The following ANKS1B variants were observed in gnomAD, a reference collection of about 807,000 sequenced individuals.
ANKS1B encodes the protein ankyrin repeat and sterile alpha motif domain containing 1B.
A neutral mutation model predicts 148.3 loss-of-function variants in ANKS1B; 36 were observed. That is an observed-to-expected ratio of 0.24 (90% CI 0.19 to 0.32). ANKS1B has a LOEUF of 0.32. ANKS1B is among the 10% of genes least tolerant of loss of function. The probability of loss-of-function intolerance (pLI) is 1.00; values close to 1 mark genes in which losing one functional copy is unlikely to be tolerated. For synonymous variants in ANKS1B, 542 were observed against 560.8 expected, an observed-to-expected ratio of 0.97 and a Z score of 0.47; for missense variants, 1,157 against 1,542.6, an observed-to-expected ratio of 0.75 and a Z score of 4.19.
intron 11 of ANKS1B, among the ~76,000 whole-genome samples, chr12:99,441,815 T>G (rs1050323567): frequency 2.0e-5 from 3 of 151,930 alleles, no homozygotes; most frequent in African/African-American, 7.2e-5. Context: ...CCTCTAGATT[T>G]CTTCAAAGAT....
intron 24 of ANKS1B, among the ~76,000 whole-genome samples, chr12:98,776,646 C>T (rs999112200): frequency 2.0e-5 from 3 of 152,186 alleles, no homozygotes; most frequent in Admixed American, 6.5e-5. Context: ...AGTGATGCAG[C>T]TTAGAAATCT....
Position 99,283,842 on chromosome 12 carries a change from A to G in ANKS1B, c.1757-36978T>C, listed in dbSNP as rs1271441517. On this transcript the variant is annotated intron_variant, in intron 12 of 26. Coordinates refer to ENST00000683438, the MANE Select transcript of ANKS1B (RefSeq NM_001352186.2). ...AATGTTTACTGAATAAACCAGGGGT[A>G]GCTGAAATAATACCCTGCCACAATC... Among the ~76,000 whole-genome samples, 4 of 152,226 alleles carry G rather than the reference A, an allele frequency of 2.6e-5. No individual in the cohort carries two copies. The East Asian group carries it at 7.7e-4, about 29-fold the overall frequency.
chr12:99,058,997 AAAGTGCTGG>A (rs2041388194), intron 16 of ANKS1B, among the ~76,000 whole-genome samples: 1 of 81,786 alleles, frequency 1.2e-5, no homozygotes, highest in African/African-American at 4.5e-5. Flanking sequence ...TCGGCCTCCC[AAAGTGCTGG>A]GATTACAGGC....
chr12:98,804,923 T>C lies in ANKS1B; in HGVS notation c.3141+2921A>G, dbSNP rs758381583. Among the ~76,000 whole-genome samples, 5 of 152,308 alleles carry C rather than the reference T, an allele frequency of 3.3e-5. No homozygotes were observed. In the South Asian group the frequency reaches 6.2e-4, roughly 19 times the overall value. On this transcript the variant is annotated intron_variant, in intron 20 of 26. Coordinates refer to ENST00000683438, the MANE Select transcript of ANKS1B (RefSeq NM_001352186.2). ...AATATTAAATAACAGACCTAAGAAG[T>C]CTTTTGCCACAATAATGGTTTATAA...
intron 12 of ANKS1B, among the ~76,000 whole-genome samples, chr12:99,381,534 G>T (rs1223521180): frequency 6.6e-6 from 1 of 152,196 alleles, no homozygotes; most frequent in Non-Finnish European, 1.5e-5. Context: ...GACCAGGATA[G>T]TGGAGGGGCA....
At chr12:99,128,653 T>C (rs2065137954) in intron 15 of ANKS1B, among the ~76,000 whole-genome samples, 1 of 152,224 alleles carries the variant, frequency 6.6e-6, no homozygotes, top group Non-Finnish European at 1.5e-5. Flanking sequence ...CAACACTTGA[T>C]GTTTCTGACC....
chr12:98,847,974 CAT>C (rs2099491665), intron 17 of ANKS1B, among the ~76,000 whole-genome samples: 1 of 152,122 alleles, frequency 6.6e-6, no homozygotes, highest in South Asian at 2.1e-4. Context: ...ATTTTTAATA[CAT>C]GTTTATTTTG....
intron 8 of ANKS1B, among the ~76,000 whole-genome samples, chr12:99,763,255 G>A (rs964480387): frequency 2.9e-4 from 44 of 152,092 alleles, no homozygotes; most frequent in African/African-American, 1.0e-3. Flanking sequence ...ATCCATCAAC[G>A]GTGGACTAGA....
chr12:99,425,850 C>A (rs2095242402), intron 11 of ANKS1B, among the ~76,000 whole-genome samples: 1 of 148,756 alleles, frequency 6.7e-6, no homozygotes, highest in Admixed American at 6.6e-5. Flanking sequence ...ATCTCTATAG[C>A]ATTAGTTACT....
intron 4 of ANKS1B, among the ~76,000 whole-genome samples, chr12:99,795,476 T>C (rs12831195): frequency 0.018 from 2,719 of 151,864 alleles, 64 homozygotes; most frequent in South Asian, 0.062. Flanking sequence ...TAAAAATGAG[T>C]GGTTACTTAC....
chr12:99,002,701 CTT>C (rs2099933778), intron 17 of ANKS1B, among the ~76,000 whole-genome samples: 1 of 152,098 alleles, frequency 6.6e-6, no homozygotes, highest in Non-Finnish European at 1.5e-5. Context: ...TATTTTTGCT[CTT>C]GAGTTTTAAG....
intron 1 of ANKS1B, among the ~76,000 whole-genome samples, chr12:99,864,498 A>G (rs1885200295): frequency 6.6e-6 from 1 of 152,124 alleles, no homozygotes; most frequent in African/African-American, 2.4e-5. Flanking sequence ...GTCTTTATTC[A>G]CACTAATCTT....
At chr12:99,598,502 A>G (rs750576905) in intron 9 of ANKS1B, among the ~76,000 whole-genome samples, 4 of 152,132 alleles carry the variant, frequency 2.6e-5, no homozygotes, top group Admixed American at 6.6e-5. Context: ...GCACAAGGCT[A>G]CTTGACCCAC....
intron 8 of ANKS1B, among the ~76,000 whole-genome samples, chr12:99,771,054 C>G (rs1171786693): frequency 1.3e-5 from 2 of 152,086 alleles, no homozygotes; most frequent in African/African-American, 4.8e-5. Flanking sequence ...ACTATTATCA[C>G]TCTCTCAAAG....
chr12:99,086,658 C>T (rs1012201558), intron 15 of ANKS1B, among the ~76,000 whole-genome samples: 5 of 152,158 alleles, frequency 3.3e-5, no homozygotes, highest in African/African-American at 1.2e-4. Flanking sequence ...TTATTTTAAA[C>T]CTGTGATTAA....
chr12:99,608,518 T>C (rs1379691018), intron 9 of ANKS1B, among the ~76,000 whole-genome samples: 1 of 152,134 alleles, frequency 6.6e-6, no homozygotes, highest in Non-Finnish European at 1.5e-5. Context: ...TCTGTTGTAT[T>C]GAAAACTGCA....
intron 1 of ANKS1B, among the ~76,000 whole-genome samples, chr12:99,957,408 C>T (rs372440789): frequency 2.6e-5 from 4 of 152,272 alleles, no homozygotes; most frequent in South Asian, 4.1e-4. Flanking sequence ...TTACCACTGC[C>T]TCTCCCAAAA....
chr12:99,543,940 C>G (rs900684345), intron 9 of ANKS1B, among the ~76,000 whole-genome samples: 13 of 151,906 alleles, frequency 8.6e-5, no homozygotes, highest in Admixed American at 6.6e-5. Flanking sequence ...AAAGCAAGAC[C>G]AAGATAAATG....
intron 17 of ANKS1B, among the ~76,000 whole-genome samples, chr12:98,909,423 C>G (rs541443838): frequency 2.0e-5 from 3 of 152,186 alleles, no homozygotes; most frequent in African/African-American, 7.2e-5. Flanking sequence ...ACTTGCCTGG[C>G]GTCACACAGC....
Sources: allele counts gnomAD v4.1 joint callset (sites outside exome capture counted in the v4.1 genomes callset), GRCh38; gene constraint gnomAD v4.1.1; transcripts MANE v1.5; gene names NCBI Gene and HGNC (gene_info 2026-07-23, HGNC 2026-07-21).